Variants in ARMH4 observed in about 807,000 individuals in gnomAD.
The protein encoded by ARMH4 is armadillo-like helical domain-containing protein 4.
ARMH4 carries 49 observed loss-of-function variants against 61.9 expected under a neutral mutation model. The observed-to-expected ratio is 0.79, with a 90% CI of 0.63 to 1.00. The LOEUF is 1.00. ARMH4 is among the 50% of genes least tolerant of loss of function. The probability of loss-of-function intolerance (pLI) is 0.00; values close to 1 mark genes in which losing one functional copy is unlikely to be tolerated. For synonymous variants in ARMH4, 368 were observed against 341.5 expected, an observed-to-expected ratio of 1.08 and a Z score of -0.85; for missense variants, 934 against 930.0, an observed-to-expected ratio of 1.00 and a Z score of -0.06.
intron 5 of ARMH4, among the ~76,000 whole-genome samples, chr14:58,038,771 A>T (rs1469692985): frequency 6.6e-6 from 1 of 152,198 alleles, no homozygotes; most frequent in African/African-American, 2.4e-5. Flanking sequence ...ATTATCTGTA[A>T]TATTTATTGG....
At chr14:58,015,818 G>A (rs1013825693) in intron 5 of ARMH4, among the ~76,000 whole-genome samples, 7 of 150,314 alleles carry the variant, frequency 4.7e-5, no homozygotes, top group South Asian at 2.1e-4. Context: ...CCAGCACTTC[G>A]GGAGGCCAAG....
chr14:58,092,952 A>C (rs1440899749), intron 5 of ARMH4, among the ~76,000 whole-genome samples: 1 of 151,892 alleles, frequency 6.6e-6, no homozygotes, highest in Non-Finnish European at 1.5e-5. Flanking sequence ...CTCATCTTGA[A>C]TTGTAGTTCC....
chr14:58,086,190 G>C (rs535849769), intron 5 of ARMH4, among the ~76,000 whole-genome samples: 10 of 152,202 alleles, frequency 6.6e-5, no homozygotes, highest in African/African-American at 2.4e-4. Flanking sequence ...CTGATTCAGC[G>C]GCTAAGCTGA....
intron 5 of ARMH4, among the ~76,000 whole-genome samples, chr14:58,030,879 T>C (rs1034080465): frequency 1.3e-5 from 2 of 152,222 alleles, no homozygotes; most frequent in Non-Finnish European, 2.9e-5. Context: ...CACCCATCAA[T>C]GGACACTCGG....
intron 4 of ARMH4, among the ~76,000 whole-genome samples, chr14:58,100,749 A>G (rs989963312): frequency 3.9e-5 from 6 of 152,074 alleles, no homozygotes; most frequent in Non-Finnish European, 5.9e-5. Flanking sequence ...CTTCTCCTGG[A>G]GTGCCCCTGC....
At chr14:58,139,759 CTG>C (rs1887468328) in intron 1 of ARMH4, among the ~76,000 whole-genome samples, 1 of 152,234 alleles carries the variant, frequency 6.6e-6, no homozygotes, top group South Asian at 2.1e-4. Flanking sequence ...AGTCAAATGA[CTG>C]TAGAAATAGC....
intron 5 of ARMH4, among the ~76,000 whole-genome samples, chr14:58,048,510 C>A (rs1039216937): frequency 6.6e-6 from 1 of 152,190 alleles, no homozygotes; most frequent in African/African-American, 2.4e-5. Flanking sequence ...CTGACCAGTG[C>A]GGCTTTCTCC....
intron 5 of ARMH4, among the ~76,000 whole-genome samples, chr14:58,078,813 G>A (rs1226269056): frequency 1.3e-5 from 2 of 152,200 alleles, no homozygotes; most frequent in African/African-American, 4.8e-5. Flanking sequence ...CTCAGGGGCT[G>A]TACTTTGCTG....
chr14:58,032,824 G>A (rs1011941801), intron 5 of ARMH4, among the ~76,000 whole-genome samples: 5 of 152,302 alleles, frequency 3.3e-5, no homozygotes, highest in Admixed American at 6.5e-5. Context: ...ACTCCCACCT[G>A]AATATTGCGC....
At chr14:58,112,022 C>A (rs1886369414) in intron 4 of ARMH4, among the ~76,000 whole-genome samples, 2 of 152,082 alleles carry the variant, frequency 1.3e-5, no homozygotes, top group Admixed American at 1.3e-4. Flanking sequence ...GGACACCAGT[C>A]CTATTGGATT....
chr14:58,048,127 T>C (rs1034451304), intron 5 of ARMH4, among the ~76,000 whole-genome samples: 2 of 152,188 alleles, frequency 1.3e-5, no homozygotes, highest in African/African-American at 4.8e-5. Flanking sequence ...CTCATACATG[T>C]TGCCCAAAAG....
At chr14:58,043,384 G>A (rs1883799786) in intron 5 of ARMH4, among the ~76,000 whole-genome samples, 1 of 152,024 alleles carries the variant, frequency 6.6e-6, no homozygotes, top group Admixed American at 6.6e-5. Flanking sequence ...TGCAGAAAAG[G>A]CCTTTGACAA....
chr14:58,042,092 A>G (rs1286471817), intron 5 of ARMH4, among the ~76,000 whole-genome samples: 1 of 152,202 alleles, frequency 6.6e-6, no homozygotes, highest in East Asian at 1.9e-4. Flanking sequence ...TGCACCAAGC[A>G]GACCTAATAG....
At chr14:58,085,955 G>A (rs1423612094) in intron 5 of ARMH4, among the ~76,000 whole-genome samples, 2 of 152,148 alleles carry the variant, frequency 1.3e-5, no homozygotes, top group Admixed American at 1.3e-4. Context: ...ATTCAGAAGT[G>A]AGATACAAAA....
At chr14:58,007,744 C>A (rs1265267299) in intron 6 of ARMH4, among the ~76,000 whole-genome samples, 1 of 152,174 alleles carries the variant, frequency 6.6e-6, no homozygotes, top group African/African-American at 2.4e-5. Context: ...AGTACTTTTT[C>A]TCTGTCCAAA....
At chr14:58,074,692 C>T (rs192226142) in intron 5 of ARMH4, among the ~76,000 whole-genome samples, 4 of 151,974 alleles carry the variant, frequency 2.6e-5, no homozygotes, top group South Asian at 2.1e-4. Flanking sequence ...ATGCAATAGA[C>T]GTAAATAGCC....
chr14:58,074,317 A>G (rs1459342731), intron 5 of ARMH4, among the ~76,000 whole-genome samples: 1 of 152,142 alleles, frequency 6.6e-6, no homozygotes, highest in African/African-American at 2.4e-5. Context: ...TTGTACCCTA[A>G]CCCACTCTTT....
At position 58,054,796 on chromosome 14, in the gene ARMH4, G is replaced by T. The variant is rs548139025; in HGVS notation, c.2089+41928C>A. On this transcript the variant is annotated intron_variant, in intron 5 of 7. Coordinates refer to ENST00000267485, the MANE Select transcript of ARMH4 (RefSeq NM_001001872.4). ...ACCTGTAATGCCAGAAGAATCACTTGAACCTGGGAGGCAGAGATTGCAGTG... is the reference window on the plus strand; with the variant it reads ...ACCTGTAATGCCAGAAGAATCACTTTAACCTGGGAGGCAGAGATTGCAGTG... 2.6e-5 allele frequency among the ~76,000 whole-genome samples: 4 copies of T among 151,150 alleles called. No individual in the cohort carries two copies. The East Asian group carries it at 7.7e-4, about 29-fold the overall frequency.
At chr14:58,151,840 G>A (rs970613070) in intron 1 of ARMH4, among the ~76,000 whole-genome samples, 1 of 152,226 alleles carries the variant, frequency 6.6e-6, no homozygotes, top group Non-Finnish European at 1.5e-5. Context: ...AGTCCTCCGA[G>A]GCCTGCGCGC....
Sources: allele counts gnomAD v4.1 joint callset (sites outside exome capture counted in the v4.1 genomes callset), GRCh38; gene constraint gnomAD v4.1.1; transcripts MANE v1.5; gene names NCBI Gene and HGNC (gene_info 2026-07-23, HGNC 2026-07-21).